OLA1: variants seen among roughly 807,000 people sequenced by gnomAD.
The protein encoded by OLA1 is Obg like ATPase 1.
A neutral mutation model predicts 48.4 loss-of-function variants in OLA1; 14 were observed. The observed-to-expected ratio is 0.29, with a 90% confidence interval of 0.19 to 0.45. OLA1 has a LOEUF of 0.45. Ranked by LOEUF, OLA1 falls within the 20% of genes least tolerant of loss-of-function variation. The pLI, the probability that OLA1 is intolerant of heterozygous loss-of-function variation, is 1.00. For synonymous variants in OLA1, 127 were observed against 150.4 expected (o/e 0.84, Z 1.14); for missense variants, 325 against 467.1 (o/e 0.70, Z 2.80).
At chr2:174,206,767 G>T (rs1348125397) in intron 4 of OLA1, among the ~76,000 whole-genome samples, 1 of 152,184 alleles carries the variant, frequency 6.6e-6, no homozygotes, top group Non-Finnish European at 1.5e-5. Context: ...AGAATGCATT[G>T]TATATGTAGA....
intron 5 of OLA1, among the ~76,000 whole-genome samples, chr2:174,131,998 T>G (rs1686193437): frequency 6.6e-6 from 1 of 152,118 alleles, no homozygotes; most frequent in Non-Finnish European, 1.5e-5. Flanking sequence ...GGTCAGGACA[T>G]TTCTTTATAG....
rs373459386 is a variant in OLA1 at position 174,123,782 on chromosome 2, G to A, written c.550-107C>T. 9.3e-5 allele frequency: 44 copies of A among 471,084 alleles called. 1 individual carries two copies. The highest frequency in any genetic ancestry group is 5.6e-4 in the African/African-American group (28 of 49,602). The allele number at this position is 471,084 out of a possible 1,614,324, so 29.2% of individuals were successfully genotyped here. On this transcript the variant is annotated intron_variant, in intron 5 of 10. Transcript: ENST00000284719. ...CAAAATAAAAATAGATTGTTTTAAT[G>A]AAAGGGGGCTAGGTCACACAAATAA...
intron 3 of OLA1, among the ~76,000 whole-genome samples, chr2:174,224,822 G>C (rs537092906): frequency 7.4e-4 from 112 of 152,158 alleles, no homozygotes; most frequent in African/African-American, 2.6e-3. Flanking sequence ...ATTGAAGAGG[G>C]GAAAGAAGCC....
chr2:174,247,572 C>G (rs949968296), intron 1 of OLA1: 1 of 1,509,746 alleles, frequency 6.6e-7, no homozygotes, highest in Non-Finnish European at 8.9e-7. Context: ...CCACCAGCAG[C>G]CAAGTCACCC....
chr2:174,230,975 T>G (rs1024811781), intron 2 of OLA1, among the ~76,000 whole-genome samples: 8 of 152,344 alleles, frequency 5.3e-5, no homozygotes, highest in African/African-American at 1.9e-4. Context: ...AAAAGAAGGA[T>G]GCAAGGATCC....
intron 2 of OLA1, among the ~76,000 whole-genome samples, chr2:174,245,042 T>C (rs1689097048): frequency 6.6e-6 from 1 of 152,220 alleles, no homozygotes; most frequent in South Asian, 2.1e-4. Flanking sequence ...TGGCCCATTT[T>C]AATATAGTCC....
At chr2:174,086,483 G>GT (rs201205232) in intron 7 of OLA1, among the ~76,000 whole-genome samples, 2 of 152,162 alleles carry the variant, frequency 1.3e-5, no homozygotes, top group East Asian at 1.9e-4. Context: ...TATATACTAT[G>GT]TTTTTTCCTG....
intron 5 of OLA1, among the ~76,000 whole-genome samples, chr2:174,134,720 T>C (rs1299929597): frequency 6.6e-6 from 1 of 152,082 alleles, no homozygotes; most frequent in Non-Finnish European, 1.5e-5. Context: ...GGTTGTACAA[T>C]ATTATAAATG....
intron 2 of OLA1, among the ~76,000 whole-genome samples, chr2:174,241,394 A>T (rs1688998647): frequency 6.6e-6 from 1 of 152,118 alleles, no homozygotes. Context: ...TTCTCTTGTG[A>T]TTTTTTCTTT....
At chr2:174,183,147 A>G (rs1687585177) in intron 4 of OLA1, among the ~76,000 whole-genome samples, 1 of 152,166 alleles carries the variant, frequency 6.6e-6, no homozygotes, top group Non-Finnish European at 1.5e-5. Context: ...TAACTACTGT[A>G]TCTGCACATA....
chr2:174,134,216 A>G (rs1441846212), intron 5 of OLA1, among the ~76,000 whole-genome samples: 2 of 152,236 alleles, frequency 1.3e-5, no homozygotes, highest in Non-Finnish European at 2.9e-5. Flanking sequence ...GCTAGTTCAT[A>G]TGGTAAGTCT....
chr2:174,089,576 A>G (rs1685059034), intron 7 of OLA1, among the ~76,000 whole-genome samples: 1 of 152,142 alleles, frequency 6.6e-6, no homozygotes, highest in Non-Finnish European at 1.5e-5. Context: ...TCAGATTCAC[A>G]TTACTATGGT....
At chr2:174,123,696 G>A (rs1475248074) in intron 5 of OLA1, 21 bp from the exon 6 acceptor site, 3 of 1,315,122 alleles carry the variant, frequency 2.3e-6, no homozygotes, top group East Asian at 2.4e-5. Context: ...TTGAGAAAAA[G>A]GTAAATATAT....
chr2:174,129,658 T>A (rs1686132053), intron 5 of OLA1, among the ~76,000 whole-genome samples: 2 of 152,178 alleles, frequency 1.3e-5, no homozygotes, highest in South Asian at 4.2e-4. Context: ...AGACAGCTTT[T>A]CCCTTTCTGC....
chr2:174,101,969 G>GA (rs1041460809), intron 7 of OLA1, among the ~76,000 whole-genome samples: 2 of 152,096 alleles, frequency 1.3e-5, no homozygotes, highest in African/African-American at 4.8e-5. Flanking sequence ...TATTACTATA[G>GA]AAAAAATAGG....
chr2:174,076,225 C>A (rs1016399169), intron 10 of OLA1, among the ~76,000 whole-genome samples: 1 of 152,186 alleles, frequency 6.6e-6, no homozygotes, highest in Non-Finnish European at 1.5e-5. Context: ...CAGATCCAGA[C>A]ATGCAATCTG....
chr2:174,128,483 A>G (rs1160011530), intron 5 of OLA1, among the ~76,000 whole-genome samples: 2 of 151,918 alleles, frequency 1.3e-5, no homozygotes, highest in African/African-American at 4.8e-5. Flanking sequence ...TAATCCTAGC[A>G]CTTTGGGAAG....
At chr2:174,088,813 C>T (rs1685039526) in intron 7 of OLA1, among the ~76,000 whole-genome samples, 1 of 151,538 alleles carries the variant, frequency 6.6e-6, no homozygotes, top group Non-Finnish European at 1.5e-5. Context: ...GAGTTCAAGG[C>T]TACAGTGAGC....
At chr2:174,138,190 C>A (rs1362142622) in intron 5 of OLA1, among the ~76,000 whole-genome samples, 1 of 152,254 alleles carries the variant, frequency 6.6e-6, no homozygotes, top group Non-Finnish European at 1.5e-5. Context: ...GCCTTCCTCA[C>A]TAAGCTTAAT....
Sources: gnomAD v4.1 joint callset for allele counts (sites outside exome capture counted in the v4.1 genomes callset) on GRCh38, gnomAD v4.1.1 for gene constraint, MANE v1.5 for transcripts, NCBI Gene and HGNC (gene_info 2026-07-23, HGNC 2026-07-21) for gene names.